JKAMP: variants seen among roughly 807,000 people sequenced by gnomAD.
JKAMP encodes the protein JNK1/MAPK8-associated membrane protein.
Under a neutral mutation model 40.2 loss-of-function variants are expected in JKAMP, and 20 were observed. That is an observed-to-expected ratio of 0.50 (90% CI 0.35 to 0.72). The LOEUF (loss-of-function observed/expected upper bound fraction) is 0.72. JKAMP is among the 30% of genes least tolerant of loss of function. The probability of loss-of-function intolerance (pLI) is 0.01; values close to 1 mark genes in which losing one functional copy is unlikely to be tolerated. For missense variants in JKAMP, 276 were observed against 373.0 expected (o/e 0.74, Z 2.14); for synonymous variants, 138 against 131.6 (o/e 1.05, Z -0.33).
At chr14:59,500,970 T>C (rs900403584) in intron 5 of JKAMP, 8 of 468,582 alleles carry the variant, frequency 1.7e-5, no homozygotes, top group Non-Finnish European at 3.0e-5. Context: ...ACTGCAGAGC[T>C]GGGTAATCGA....
intron 6 of JKAMP, 23 bp downstream of exon 6, chr14:59,501,290 G>C: frequency 7.0e-7 from 1 of 1,434,796 alleles, no homozygotes. Context: ...TTTTTCCTTT[G>C]TTAAAGACTT....
chr14:59,498,248 GTAT>G (rs1891598147), intron 4 of JKAMP, among the ~76,000 whole-genome samples: 1 of 152,156 alleles, frequency 6.6e-6, no homozygotes, highest in Non-Finnish European at 1.5e-5. Context: ...GGCACTTAAT[GTAT>G]TAGGCACAGT....
chr14:59,487,480 A>AG (rs1374205861), intron 2 of JKAMP, 194 bp from the exon 3 acceptor site: 1 of 449,946 alleles, frequency 2.2e-6, no homozygotes, highest in African/African-American at 2.0e-5. Context: ...ATCTTCTAAG[A>AG]GCATTGTACA....
At chr14:59,501,336 C>CAT in intron 6 of JKAMP, 69 bp downstream of exon 6, 2 of 944,400 alleles carry the variant, frequency 2.1e-6, no homozygotes, top group Non-Finnish European at 3.3e-6. Flanking sequence ...CAGAATAGTC[C>CAT]ATATGATATG....
intron 1 of JKAMP, among the ~76,000 whole-genome samples, chr14:59,485,302 A>G (rs1890453851): frequency 6.6e-6 from 1 of 152,162 alleles, no homozygotes; most frequent in Non-Finnish European, 1.5e-5. Flanking sequence ...ATTCATTTTC[A>G]TGTATTAATT....
intron 5 of JKAMP, among the ~76,000 whole-genome samples, chr14:59,499,381 CTT>C (rs1891702559): frequency 6.6e-6 from 1 of 151,950 alleles, no homozygotes; most frequent in Admixed American, 6.6e-5. Context: ...GAAAATTAGT[CTT>C]GATAATGTAT....
At position 59,503,731 on chromosome 14, in the gene JKAMP, T is replaced by C. The variant is rs961371869; in HGVS notation, c.718-123T>C. On this transcript the variant is annotated intron_variant, in intron 6 of 6. Coordinates refer to ENST00000616435, the MANE Select transcript of JKAMP (RefSeq NM_016475.5). ...AGTGATTTCTTAAGTCTTTTTTAGC[T>C]CAAACATTTTATGATTCTGAGATTA... The C allele has an allele frequency of 1.4e-5, 9 of 630,482 alleles. No homozygotes were observed. In the East Asian group the frequency reaches 2.1e-4, roughly 15 times the overall value. The allele number at this position is 630,482 out of a possible 1,614,324, so 39.1% of individuals were successfully genotyped here. A position where few individuals can be genotyped will look rare whatever the true frequency, so the allele number is the denominator to read the frequency against.
chr14:59,503,947 G>A lies in JKAMP; in HGVS notation c.811G>A (p.Val271Met), dbSNP rs1000515146. Residue 271 changes from valine (V) to methionine (M), a missense_variant, in exon 7 of 7, where the codon GTG becomes ATG. By Grantham distance (21) the Val-to-Met change is conservative. Coordinates refer to ENST00000616435, the MANE Select transcript of JKAMP (RefSeq NM_016475.5). ...CTATGGAATAATCTCCATTTCCAGAGTGGATAAACTTGAGCAAGATTTGCC... is the reference window on the plus strand; with the variant it reads ...CTATGGAATAATCTCCATTTCCAGAATGGATAAACTTGAGCAAGATTTGCC... ...HAYGIISISR[V>M]DKLEQDLPLL... is the part of the protein sequence containing the mutation. The A allele has an allele frequency of 2.5e-6, 4 of 1,613,594 alleles. No homozygotes were observed. In the African/African-American group the frequency reaches 5.3e-5, roughly 22 times the overall value.
intron 3 of JKAMP, among the ~76,000 whole-genome samples, chr14:59,490,418 G>A (rs938993709): frequency 4.6e-5 from 7 of 152,154 alleles, no homozygotes; most frequent in Admixed American, 3.3e-4. Flanking sequence ...AAATCACTCC[G>A]TATTTGAGTG....
intron 6 of JKAMP, among the ~76,000 whole-genome samples, chr14:59,502,085 T>G (rs566572627): frequency 6.6e-6 from 1 of 152,316 alleles, no homozygotes; most frequent in Non-Finnish European, 1.5e-5. Context: ...AATGTATTCA[T>G]TAAACTTTGA....
chr14:59,485,304 G>T (rs570266722), intron 1 of JKAMP, among the ~76,000 whole-genome samples: 1 of 152,080 alleles, frequency 6.6e-6, no homozygotes, highest in South Asian at 2.1e-4. Flanking sequence ...TCATTTTCAT[G>T]TATTAATTTA....
At chr14:59,492,964 AT>A (rs1343448920) in intron 3 of JKAMP, among the ~76,000 whole-genome samples, 11 of 151,700 alleles carry the variant, frequency 7.3e-5, no homozygotes, top group Non-Finnish European at 1.2e-4. Context: ...CGCCCGGCCA[AT>A]TTTTTTGTAT....
Position 59,502,752 on chromosome 14 carries a change from T to TTTTGTTTTTTTTTCTTTGTTTTTG in JKAMP, c.718-1099_718-1098insGTTTTTTTTTCTTTGTTTTTGTTT, listed in dbSNP as rs1555339687. On this transcript the variant is annotated intron_variant, in intron 6 of 6. Coordinates refer to ENST00000616435, the MANE Select transcript of JKAMP (RefSeq NM_016475.5). ...TTTGGATATTTGAATAAAATGAGAT[T>TTTTGTTTTTTTTTCTTTGTTTTTG]TTTTTTTTTTTTTTTTTTTTTCGGA... Among the ~76,000 whole-genome samples, 4 of 76,768 alleles carry TTTTGTTTTTTTTTCTTTGTTTTTG rather than the reference T, an allele frequency of 5.2e-5. 2 individuals are homozygous for TTTTGTTTTTTTTTCTTTGTTTTTG. The highest frequency in any genetic ancestry group is 5.4e-5 in the Non-Finnish European group (2 of 37,000). 50.4% of individuals were successfully genotyped at this position (76,768 alleles called of 152,430 possible).
intron 3 of JKAMP, among the ~76,000 whole-genome samples, chr14:59,488,705 T>G (rs1420734397): frequency 6.6e-6 from 1 of 152,230 alleles, no homozygotes; most frequent in East Asian, 1.9e-4. Context: ...TTACTGATTT[T>G]CTTTTAGTTC....
At chr14:59,500,648 C>T (rs1891809733) in intron 5 of JKAMP, among the ~76,000 whole-genome samples, 1 of 152,162 alleles carries the variant, frequency 6.6e-6, no homozygotes, top group Non-Finnish European at 1.5e-5. Context: ...CGGTTCCCCA[C>T]CTTGACCACA....
At chr14:59,500,309 G>C (rs1233354438) in intron 5 of JKAMP, among the ~76,000 whole-genome samples, 2 of 152,128 alleles carry the variant, frequency 1.3e-5, no homozygotes, top group African/African-American at 4.8e-5. Flanking sequence ...ATTTGAAATT[G>C]TTCCAAATGG....
At chr14:59,486,040 TTTAAG>T (rs1890543960) in intron 1 of JKAMP, 2 of 152,232 alleles carry the variant, frequency 1.3e-5, no homozygotes, top group African/African-American at 4.8e-5. Flanking sequence ...TTGGGGTTTT[TTTAAG>T]TAAGGAATAG....
At position 59,504,440 on chromosome 14, in the gene JKAMP, G is replaced by A. The variant is rs994988149; in HGVS notation, c.*368G>A. 6 of 184,060 alleles carry A rather than the reference G, an allele frequency of 3.3e-5. No individual in the cohort carries two copies. Among genetic ancestry groups the A allele is most frequent in the Admixed American group, 2.9e-4 (5 of 17,118 alleles). 11.4% of individuals were successfully genotyped at this position (184,060 alleles called of 1,614,324 possible). ...GTAATCTGCAGTCCTTAACAGTGGC[G>A]TAATTGTACTTACCTGTTGTGTTTC... On this transcript the variant is annotated 3_prime_UTR_variant, in exon 7 of 7. Transcript: ENST00000616435.
chr14:59,485,448 T>C (rs1277424583), intron 1 of JKAMP: 3 of 221,886 alleles, frequency 1.4e-5, no homozygotes, highest in Non-Finnish European at 2.6e-5. Flanking sequence ...ATGCTGTTTC[T>C]CTTTTTCTCT....
Sources: allele counts gnomAD v4.1 joint callset (sites outside exome capture counted in the v4.1 genomes callset), GRCh38; gene constraint gnomAD v4.1.1; transcripts MANE v1.5; gene names NCBI Gene and HGNC (gene_info 2026-07-23, HGNC 2026-07-21).